Variants in SUZ12 observed in about 807,000 individuals in gnomAD.
SUZ12 encodes the protein polycomb protein SUZ12.
SUZ12 carries 17 observed loss-of-function variants against 87.3 expected under a neutral mutation model. The ratio of observed to expected loss-of-function variants is 0.19; its 90% CI spans 0.13 to 0.29. The LOEUF (loss-of-function observed/expected upper bound fraction) is 0.29. Ranked by LOEUF, SUZ12 falls within the 10% of genes least tolerant of loss-of-function variation. The probability of loss-of-function intolerance (pLI) is 1.00; values close to 1 mark genes in which losing one functional copy is unlikely to be tolerated. For missense variants in SUZ12, 526 were observed against 912.2 expected (o/e 0.58, Z 5.45); for synonymous variants, 253 against 312.4 (o/e 0.81, Z 2.01).
intron 4 of SUZ12, among the ~76,000 whole-genome samples, chr17:31,964,264 ATCC>A (rs1907948791): frequency 6.6e-6 from 1 of 151,196 alleles, no homozygotes; most frequent in African/African-American, 2.4e-5. Flanking sequence ...TGATCTCTTG[ATCC>A]TCCTGTCTTG....
rs966961243 is a variant in SUZ12, at chr17:31,999,991, A to G, written c.*988A>G. Reference sequence around the variant, plus strand: ...ATGTGTTTCATGAATAGAATATCCAATAGAGATAAGCTGACTTGAATCATT... The same window carrying G: ...ATGTGTTTCATGAATAGAATATCCAGTAGAGATAAGCTGACTTGAATCATT... On this transcript the variant is annotated 3_prime_UTR_variant, in exon 16 of 16. Coordinates refer to ENST00000322652, the MANE Select transcript of SUZ12 (RefSeq NM_015355.4). 11 of 232,794 alleles carry G rather than the reference A, an allele frequency of 4.7e-5. No homozygotes were observed. The highest frequency in any genetic ancestry group is 6.6e-5 in the African/African-American group (3 of 45,456). 14.4% of individuals were successfully genotyped at this position (232,794 alleles called of 1,614,324 possible).
chr17:31,990,001 C>T (rs1909632864), intron 10 of SUZ12, among the ~76,000 whole-genome samples: 1 of 151,674 alleles, frequency 6.6e-6, no homozygotes, highest in Non-Finnish European at 1.5e-5. Context: ...CTCGCCCAGG[C>T]TGGAGTGCAG....
chr17:31,966,471 C>G (rs1042738744), intron 5 of SUZ12: 3 of 307,666 alleles, frequency 9.8e-6, no homozygotes, highest in African/African-American at 6.7e-5. Flanking sequence ...CCTCAGCCTC[C>G]TGAGTAGCTG....
chr17:31,947,677 A>G lies in SUZ12; in HGVS notation c.447A>G (p.Glu149=), dbSNP rs542160353. Residue 149 remains glutamate (E), a synonymous_variant, in exon 4 of 16, where the codon GAA becomes GAG. Transcript: ENST00000322652. The part of the protein sequence containing the change: ...SKVEKMKGEQ[E]SHSLSAHLQL... Reference sequence around the variant, plus strand: ...TAGAGAAAATGAAAGGAGAGCAAGAATCTCATAGGTAAGATAATCTATCAG... The same window carrying G: ...TAGAGAAAATGAAAGGAGAGCAAGAGTCTCATAGGTAAGATAATCTATCAG... The G allele has an allele frequency of 3.7e-6, 6 of 1,608,056 alleles. No homozygotes were observed. In the East Asian group the frequency reaches 1.3e-4, roughly 36 times the overall value.
intron 14 of SUZ12, among the ~76,000 whole-genome samples, chr17:31,996,134 C>G (rs182224788): frequency 6.6e-6 from 1 of 152,108 alleles, no homozygotes; most frequent in African/African-American, 2.4e-5. Context: ...CGCTTAACCC[C>G]AGGAGATGGA....
At position 31,937,136 on chromosome 17, in the gene SUZ12, TTCC is replaced by T. The variant is rs1905971866; in HGVS notation, c.-110_-108del. 1.1e-6 allele frequency: 1 copy of T among 945,700 alleles called. No homozygotes were observed. Among genetic ancestry groups the T allele is most frequent in the Non-Finnish European group, 1.4e-6 (1 of 697,114 alleles). 58.6% of individuals were successfully genotyped at this position (945,700 alleles called of 1,614,324 possible). A position where few individuals can be genotyped will look rare whatever the true frequency, so the allele number is the denominator to read the frequency against. ...TCCCCTCTCCTCCCCTCTCTCCTCC[TTCC>T]CCCCTCGGTCCGCCGGAGCCTGCTG... On this transcript the variant is annotated 5_prime_UTR_variant, in exon 1 of 16. Transcript: ENST00000322652.
At chr17:31,995,907 T>C (rs909527845) in intron 14 of SUZ12, 145 bp downstream of exon 14, 18 of 711,518 alleles carry the variant, frequency 2.5e-5, no homozygotes, top group South Asian at 9.9e-5. Context: ...TTTAAAATTA[T>C]GTCACTTTAA....
chr17:31,965,154 A>AT (rs1299847225), intron 4 of SUZ12, among the ~76,000 whole-genome samples: 11 of 151,832 alleles, frequency 7.2e-5, no homozygotes, highest in African/African-American at 2.4e-4. Flanking sequence ...TTTAAAAAAA[A>AT]AATATATATA....
chr17:31,982,746 A>G (rs1909187169), intron 8 of SUZ12, among the ~76,000 whole-genome samples: 1 of 152,342 alleles, frequency 6.6e-6, no homozygotes, highest in Admixed American at 6.5e-5. Flanking sequence ...CCTCAGGCAT[A>G]TTATACTTTA....
At chr17:31,960,978 G>A (rs1907677733) in intron 4 of SUZ12, among the ~76,000 whole-genome samples, 1 of 152,182 alleles carries the variant, frequency 6.6e-6, no homozygotes, top group Non-Finnish European at 1.5e-5. Context: ...TTGGGAGGCT[G>A]AGGCAGGTGG....
In SUZ12 at chr17:31,954,502, T is replaced by C. The variant is rs191154190; in HGVS notation, c.455+6817T>C. ...CGCGTTTCATTTATGTAGTGTGCAA[T>C]GTCCTAGGCACTATACTAAGCCCTC... On this transcript the variant is annotated intron_variant, in intron 4 of 15. Coordinates refer to ENST00000322652, the MANE Select transcript of SUZ12 (RefSeq NM_015355.4). Among the ~76,000 whole-genome samples, 33 of 152,326 alleles carry C rather than the reference T, an allele frequency of 2.2e-4. 1 individual carries two copies. The East Asian group carries it at 5.0e-3, about 23-fold the overall frequency.
At chr17:31,954,448 A>G (rs1206242905) in intron 4 of SUZ12, among the ~76,000 whole-genome samples, 1 of 152,100 alleles carries the variant, frequency 6.6e-6, no homozygotes, top group Non-Finnish European at 1.5e-5. Flanking sequence ...TTTTTACAAT[A>G]AGAAGGCCTG....
chr17:31,975,625 GAA>G lies in SUZ12; in HGVS notation c.736_737del (p.Lys246ValfsTer7), dbSNP rs1306862918. ...TTGAACCTAGTAACAGCCATATGGT[GAA>G]GTCTTACTCGTTGCTATTTAGAGTG... is the stretch of plus-strand genomic sequence containing the variant. ...EFEPSNSHMV[K>X]SYSLLFRVTR... On this transcript the variant is annotated frameshift_variant, in exon 7 of 16. Coordinates refer to ENST00000322652, the MANE Select transcript of SUZ12 (RefSeq NM_015355.4). LOFTEE classifies it high-confidence loss of function. 6.2e-7 allele frequency: 1 copy of G among 1,613,908 alleles called. No individual in the cohort carries two copies. The highest frequency in any genetic ancestry group is 8.5e-7 in the Non-Finnish European group (1 of 1,179,972).
At chr17:31,969,300 C>T (rs1165296635) in intron 5 of SUZ12, among the ~76,000 whole-genome samples, 2 of 152,140 alleles carry the variant, frequency 1.3e-5, no homozygotes, top group African/African-American at 4.8e-5. Context: ...CATGCACCAC[C>T]ATGCCCCGCT....
In SUZ12 at chr17:31,937,053, C is replaced by T. The variant is rs1481944613; in HGVS notation, c.-194C>T. ...GAGCGGCCTCCGAAGCGGAGCGGGG[C>T]TCTGAGGAGACACTTTTTTTTTCCT... On this transcript the variant is annotated 5_prime_UTR_variant, in exon 1 of 16. Coordinates refer to ENST00000322652, the MANE Select transcript of SUZ12 (RefSeq NM_015355.4). 7 of 476,388 alleles carry T rather than the reference C, an allele frequency of 1.5e-5. No individual in the cohort carries two copies. The highest frequency in any genetic ancestry group is 1.2e-4 in the African/African-American group (6 of 49,078). The allele number at this position is 476,388 out of a possible 1,614,324, so 29.5% of individuals were successfully genotyped here. A position where few individuals can be genotyped will look rare whatever the true frequency, so the allele number is the denominator to read the frequency against.
chr17:31,939,187 G>A lies in SUZ12; in HGVS notation c.275-1099G>A, dbSNP rs1217452224. Among the ~76,000 whole-genome samples the A allele has an allele frequency of 2.0e-5, 3 of 152,070 alleles. No individual in the cohort carries two copies. In the East Asian group the frequency reaches 5.8e-4, roughly 29 times the overall value. On this transcript the variant is annotated intron_variant, in intron 1 of 15. Transcript: ENST00000322652. ...AATGTATTGAGGTAATATTTATATT[G>A]AACAAAATAGATACAACTTTAAATT...
intron 4 of SUZ12, among the ~76,000 whole-genome samples, chr17:31,960,242 G>C (rs1028866378): frequency 6.6e-6 from 1 of 151,678 alleles, no homozygotes; most frequent in Non-Finnish European, 1.5e-5. Flanking sequence ...ACGGGGTCTC[G>C]CTCTGTTGCC....
At chr17:31,988,248 T>C (rs1412018345) in intron 9 of SUZ12, 72 bp from the exon 10 acceptor site, 2 of 1,406,018 alleles carry the variant, frequency 1.4e-6, no homozygotes, top group African/African-American at 1.5e-5. Flanking sequence ...ATAATGAATT[T>C]TTTTTAATTT....
chr17:31,963,803 G>A (rs371074334), intron 4 of SUZ12: 10,479 of 151,208 alleles, frequency 0.069, no homozygotes, highest in African/African-American at 0.23. Flanking sequence ...GATTACAGGC[G>A]TGAGCCACCG....
Sources: allele counts gnomAD v4.1 joint callset (sites outside exome capture counted in the v4.1 genomes callset), GRCh38; gene constraint gnomAD v4.1.1; transcripts MANE v1.5; gene names NCBI Gene and HGNC (gene_info 2026-07-23, HGNC 2026-07-21).